ELP1: variants seen among roughly 807,000 people sequenced by gnomAD.
The protein encoded by ELP1 is elongator acetyltransferase complex subunit 1.
A neutral mutation model predicts 183.2 loss-of-function variants in ELP1; 131 were observed. The ratio of observed to expected loss-of-function variants is 0.72; its 90% CI spans 0.62 to 0.83. ELP1 has a LOEUF of 0.83. Among genes scored for constraint, ELP1 ranks in the 40% least tolerant of loss-of-function variants. ELP1 has a pLI of 0.00. For missense variants in ELP1, 1,550 were observed against 1,594.9 expected (o/e 0.97, Z 0.48); for synonymous variants, 555 against 569.0 (o/e 0.98, Z 0.35).
chr9:108,899,354 C>T (rs1227227979), intron 20 of ELP1, among the ~76,000 whole-genome samples: 1 of 151,824 alleles, frequency 6.6e-6, no homozygotes, highest in East Asian at 1.9e-4. Flanking sequence ...TTAAACAAAA[C>T]ATTAGTATAG....
chr9:108,897,318 C>T lies in ELP1; in HGVS notation c.2364-33G>A, dbSNP rs77747745. 3.0e-3 allele frequency: 4,866 copies of T among 1,613,048 alleles called. 122 individuals are homozygous for T. In the African/African-American group the frequency reaches 0.058, roughly 19 times the overall value. ...CAGGTGTGTATGGAATGGTCATCAA[C>T]AGAACATGTAGCCCAGCGATCAAAT... On this transcript the variant is annotated intron_variant, in intron 22 of 36. Coordinates refer to ENST00000374647, the MANE Select transcript of ELP1 (RefSeq NM_003640.5).
chr9:108,880,416 G>A (rs551705504), intron 31 of ELP1, among the ~76,000 whole-genome samples: 25 of 150,434 alleles, frequency 1.7e-4, no homozygotes, highest in African/African-American at 5.6e-4. Flanking sequence ...ACGAAGACTT[G>A]ATACCTAAAG....
chr9:108,896,418 G>A (rs1354403434), intron 25 of ELP1, 78 bp downstream of exon 25: 5 of 1,359,092 alleles, frequency 3.7e-6, no homozygotes, highest in Non-Finnish European at 5.3e-6. Flanking sequence ...AAAAGCTACT[G>A]CACTACCAGA....
Position 108,875,058 on chromosome 9 carries a change from A to AGGCC in ELP1, c.3856-89_3856-88insGGCC, listed in dbSNP as rs1827654707. The AGGCC allele has an allele frequency of 3.5e-6, 3 of 848,524 alleles. No individual in the cohort carries two copies. The East Asian group carries it at 7.3e-5, about 21-fold the overall frequency. 52.6% of individuals were successfully genotyped at this position (848,524 alleles called of 1,614,324 possible). A position where few individuals can be genotyped will look rare whatever the true frequency, so the allele number is the denominator to read the frequency against. The stretch of plus-strand genomic sequence containing the variant: ...AAAGGCCAAATCCCTACCCCCAGAA[A>AGGCC]ACAGCCTGTCATTTCTACTGGTATG... On this transcript the variant is annotated intron_variant, in intron 35 of 36. Coordinates refer to ENST00000374647, the MANE Select transcript of ELP1 (RefSeq NM_003640.5).
chr9:108,876,969 G>A (rs1440197219), intron 35 of ELP1, among the ~76,000 whole-genome samples: 1 of 152,156 alleles, frequency 6.6e-6, no homozygotes, highest in Non-Finnish European at 1.5e-5. Flanking sequence ...GACTTCAGGT[G>A]ATCCGCCTGC....
chr9:108,879,889 A>C (rs1827855232), intron 32 of ELP1, among the ~76,000 whole-genome samples, 163 bp downstream of exon 32: 1 of 152,194 alleles, frequency 6.6e-6, no homozygotes, highest in Non-Finnish European at 1.5e-5. Context: ...ACCAACACAC[A>C]AACACAGACA....
At position 108,878,666 on chromosome 9, in the gene ELP1, C is replaced by A; in HGVS notation, c.3657G>T (p.Leu1219=). Residue 1219 remains leucine, a synonymous_variant, in exon 34 of 37, where the codon CTG becomes CTT. Transcript: ENST00000374647. ...EGSPLEDLAL[L]EALSEVVQNT... ...TCTGCACCACTTCACTCAGTGCCTC[C>A]AGGAGGGCCAGGTCCTCCAGCGGAC... is the stretch of plus-strand genomic sequence containing the variant. 6.2e-7 allele frequency: 1 copy of A among 1,614,206 alleles called. No homozygotes were observed. The highest frequency in any genetic ancestry group is 1.1e-5 in the South Asian group (1 of 91,082).
intron 13 of ELP1, among the ~76,000 whole-genome samples, chr9:108,907,442 C>T (rs1247891355): frequency 6.6e-6 from 1 of 152,176 alleles, no homozygotes; most frequent in Non-Finnish European, 1.5e-5. Context: ...CAGGCAGCCT[C>T]AAAATCATAC....
rs1208768726 is a variant in ELP1 at position 108,901,681 on chromosome 9, C to G, written c.1855G>C (p.Glu619Gln). 2 of 1,613,956 alleles carry G rather than the reference C, an allele frequency of 1.2e-6. No individual in the cohort carries two copies. The highest frequency in any genetic ancestry group is 3.3e-5 in the Admixed American group (2 of 60,016). Reference sequence around the variant, plus strand: ...CTGTCAGTCAGACCAAGGACACATTCCTGCAAAGAAATAAAACTGAAATCA... The same window carrying G: ...CTGTCAGTCAGACCAAGGACACATTGCTGCAAAGAAATAAAACTGAAATCA... ...QTELAMIGEEECVLGLTDRCR... is the reference protein window; with the variant it reads ...QTELAMIGEEQCVLGLTDRCR... Residue 619 changes from glutamate to glutamine, a missense_variant and splice_region_variant, in exon 17 of 37, where the codon GAA (glutamate) becomes CAA (glutamine). Transcript: ENST00000374647.
At chr9:108,896,746 C>A (rs1369896351) in intron 24 of ELP1, 102 bp from the exon 25 acceptor site, 1 of 1,182,128 alleles carries the variant, frequency 8.5e-7, no homozygotes, top group African/African-American at 1.5e-5. Context: ...CTCAATAGAA[C>A]TGGACATCAG....
chr9:108,911,006 A>C lies in ELP1; in HGVS notation c.1360+4T>G. 6.2e-7 allele frequency: 1 copy of C among 1,613,598 alleles called. No individual in the cohort carries two copies. Among genetic ancestry groups the C allele is most frequent in the African/African-American group, 1.3e-5 (1 of 75,040 alleles). On this transcript the variant is annotated splice_donor_region_variant and intron_variant, in intron 12 of 36. Coordinates refer to ENST00000374647, the MANE Select transcript of ELP1 (RefSeq NM_003640.5). ...AACATCTTGGCAAAAGTTTTATAAC[A>C]TACCACATTTATAAACAGAAATCTG...
At chr9:108,876,868 A>G (rs535114840) in intron 35 of ELP1, among the ~76,000 whole-genome samples, 9 of 151,720 alleles carry the variant, frequency 5.9e-5, no homozygotes, top group Non-Finnish European at 1.3e-4. Context: ...AGTAGCTGGG[A>G]TTACAGGCAT....
chr9:108,931,206 G>A lies in ELP1; in HGVS notation c.-55-5C>T, dbSNP rs923489820. ...CCCTTGATGAATCATTAATCTCTAA[G>A]AGAAAAATAAATAGCTTAATAGTGA... On this transcript the variant is annotated splice_polypyrimidine_tract_variant and splice_region_variant and intron_variant, in intron 1 of 36. Coordinates refer to ENST00000374647, the MANE Select transcript of ELP1 (RefSeq NM_003640.5). The A allele has an allele frequency of 4.7e-6, 7 of 1,495,250 alleles. No individual in the cohort carries two copies. In the Admixed American group the frequency reaches 5.0e-5, roughly 11 times the overall value. The allele number at this position is 1,495,250 out of a possible 1,614,324, so 92.6% of individuals were successfully genotyped here. A position where few individuals can be genotyped will look rare whatever the true frequency, so the allele number is the denominator to read the frequency against.
At position 108,906,501 on chromosome 9, in the gene ELP1, A is replaced by T; in HGVS notation, c.1461-16T>A. 1 of 1,602,878 alleles carries T rather than the reference A, an allele frequency of 6.2e-7. No homozygotes were observed. Among genetic ancestry groups the T allele is most frequent in the Non-Finnish European group, 8.5e-7 (1 of 1,169,824 alleles). The stretch of plus-strand genomic sequence containing the variant: ...AAACTGGATTCTATTGTAAATATTG[A>T]AGAATATCCAAGACATGAATAAAAC... On this transcript the variant is annotated splice_polypyrimidine_tract_variant and intron_variant, in intron 13 of 36. Transcript: ENST00000374647.
chr9:108,878,509 T>C, intron 34 of ELP1, 114 bp downstream of exon 34: 2 of 1,406,902 alleles, frequency 1.4e-6, no homozygotes, highest in East Asian at 2.3e-5. Flanking sequence ...AAAGTTCTCA[T>C]CTTTCCTCAA....
intron 35 of ELP1, 48 bp downstream of exon 35, chr9:108,877,947 C>T: frequency 6.3e-7 from 1 of 1,597,228 alleles, no homozygotes; most frequent in Non-Finnish European, 8.6e-7. Flanking sequence ...AATACAATAA[C>T]CCATGAAAAT....
At chr9:108,929,446 T>C (rs763693880) in intron 3 of ELP1, among the ~76,000 whole-genome samples, 23 of 152,098 alleles carry the variant, frequency 1.5e-4, no homozygotes, top group Non-Finnish European at 5.9e-5. Context: ...AAACAAAGGT[T>C]GCAACTCAAG....
chr9:108,893,792 G>T lies in ELP1; in HGVS notation c.2860+151C>A, dbSNP rs1255698545. The T allele has an allele frequency of 3.5e-6, 3 of 851,566 alleles. No individual in the cohort carries two copies. In the Admixed American group the frequency reaches 6.7e-5, roughly 19 times the overall value. The allele number at this position is 851,566 out of a possible 1,614,324, so 52.8% of individuals were successfully genotyped here. A position where few individuals can be genotyped will look rare whatever the true frequency, so the allele number is the denominator to read the frequency against. On this transcript the variant is annotated intron_variant, in intron 26 of 36. Coordinates refer to ENST00000374647, the MANE Select transcript of ELP1 (RefSeq NM_003640.5). ...ATTACCTTCAGCTTTTCAGAACACA[G>T]GACAAAATAACGTGAGCATACATAA...
chr9:108,899,822 T>C lies in ELP1; in HGVS notation c.2204A>G (p.Lys735Arg). 1 of 1,613,386 alleles carries C rather than the reference T, an allele frequency of 6.2e-7. No individual in the cohort carries two copies. Among genetic ancestry groups the C allele is most frequent in the Non-Finnish European group, 8.5e-7 (1 of 1,179,310 alleles). The change falls in exon 20 of 37, where the codon AAA (lysine) becomes AGA (arginine). Residue 735 changes from lysine to arginine, a missense_variant and splice_region_variant. Coordinates refer to ENST00000374647, the MANE Select transcript of ELP1 (RefSeq NM_003640.5). The stretch of plus-strand genomic sequence containing the variant: ...TCGCAAACAGTACAATGGCACTTAC[T>C]TGTCCAACCACTTCCGAATCTGAGC... ...VLAQIRKWLD[K>R]LMFKEAFECM... is the part of the protein sequence containing the mutation.
Sources: gnomAD v4.1 joint callset for allele counts (sites outside exome capture counted in the v4.1 genomes callset) on GRCh38, gnomAD v4.1.1 for gene constraint, MANE v1.5 for transcripts, NCBI Gene and HGNC (gene_info 2026-07-23, HGNC 2026-07-21) for gene names.